The following COL22A1 variants were observed in gnomAD, a reference collection of about 807,000 sequenced individuals.
The protein encoded by COL22A1 is collagen type XXII alpha 1 chain.
A neutral mutation model predicts 248.9 loss-of-function variants in COL22A1; 221 were observed. The observed-to-expected ratio is 0.89, with a 90% confidence interval of 0.80 to 0.99. COL22A1 has a LOEUF of 0.99. Ranked by LOEUF, COL22A1 falls within the 50% of genes least tolerant of loss-of-function variation. COL22A1 has a pLI of 0.00. For synonymous variants in COL22A1, 891 were observed against 793.4 expected (o/e 1.12, Z -2.07); for missense variants, 2,240 against 2,179.0 (o/e 1.03, Z -0.56).
At position 138,613,020 on chromosome 8, in the gene COL22A1, G is replaced by A. The variant is rs767236710; in HGVS notation, c.3978+847C>T. On this transcript the variant is annotated intron_variant, in intron 56 of 64. Transcript: ENST00000303045. ...TCCCAATACTTTGGGAGGGCGAGGCGGGCAGATTATGAGGTCAGGAGATAG... is the reference window on the plus strand; with the variant it reads ...TCCCAATACTTTGGGAGGGCGAGGCAGGCAGATTATGAGGTCAGGAGATAG... Among the ~76,000 whole-genome samples, 27 of 151,422 alleles carry A rather than the reference G, an allele frequency of 1.8e-4. 1 individual carries two copies. The highest frequency in any genetic ancestry group is 3.9e-4 in the East Asian group (2 of 5,138).
chr8:138,852,843 CA>C, intron 3 of COL22A1, among the ~76,000 whole-genome samples: 1 of 151,930 alleles, frequency 6.6e-6, no homozygotes, highest in Non-Finnish European at 1.5e-5. Context: ...TCTTAAATGT[CA>C]AATGAGAAGG....
intron 55 of COL22A1, among the ~76,000 whole-genome samples, 163 bp from the exon 56 acceptor site, chr8:138,614,083 A>G (rs891641223): frequency 6.6e-5 from 10 of 152,222 alleles, no homozygotes; most frequent in Non-Finnish European, 1.5e-4. Flanking sequence ...AATATGGACA[A>G]ACTCCCTTCC....
intron 60 of COL22A1, among the ~76,000 whole-genome samples, chr8:138,600,185 T>C (rs1817886102): frequency 6.6e-6 from 1 of 152,222 alleles, no homozygotes; most frequent in Non-Finnish European, 1.5e-5. Flanking sequence ...TATGTGCTAC[T>C]GTGTGTTTGA....
intron 56 of COL22A1, among the ~76,000 whole-genome samples, chr8:138,609,885 C>G (rs1397027058): frequency 6.6e-6 from 1 of 152,194 alleles, no homozygotes; most frequent in Non-Finnish European, 1.5e-5. Flanking sequence ...TGCAGAGCCA[C>G]TCCTGTGTCC....
At chr8:138,844,811 G>C (rs997370216) in intron 3 of COL22A1, among the ~76,000 whole-genome samples, 1 of 152,054 alleles carries the variant, frequency 6.6e-6, no homozygotes, top group Admixed American at 6.6e-5. Flanking sequence ...TTAGCCGGGC[G>C]TGGTGGCAGG....
intron 2 of COL22A1, 121 bp downstream of exon 2, chr8:138,882,957 TCTCC>T: frequency 1.1e-6 from 1 of 877,134 alleles, no homozygotes; most frequent in Non-Finnish European, 1.7e-6. Flanking sequence ...GATTCCGGAC[TCTCC>T]CTCTCTCTCA....
chr8:138,629,015 C>T (rs1246390389), intron 50 of COL22A1, among the ~76,000 whole-genome samples: 3 of 1,452 alleles, frequency 2.1e-3, no homozygotes, highest in Non-Finnish European at 3.3e-3. Context: ...CCTGCCTTGG[C>T]TTCCCAGGAT....
intron 41 of COL22A1, among the ~76,000 whole-genome samples, chr8:138,673,968 C>T (rs1013044768): frequency 5.3e-5 from 8 of 152,176 alleles, no homozygotes; most frequent in Admixed American, 2.0e-4. Flanking sequence ...TCTGCAACAA[C>T]GCCATGCAGT....
Position 138,883,081 on chromosome 8 carries a change from C to T in COL22A1, c.91+1G>A. On this transcript the variant is annotated splice_donor_variant, in intron 2 of 64. Coordinates refer to ENST00000303045, the MANE Select transcript of COL22A1 (RefSeq NM_152888.3). LOFTEE classifies it high-confidence loss of function. ...CATGGCACAGCCCACGGTGGCCCCACCTGCCCGCTGAGCCTGGCAGCCGCC... is the reference window on the plus strand; with the variant it reads ...CATGGCACAGCCCACGGTGGCCCCATCTGCCCGCTGAGCCTGGCAGCCGCC... The T allele has an allele frequency of 1.3e-6, 2 of 1,577,338 alleles. No homozygotes were observed. The highest frequency in any genetic ancestry group is 1.7e-6 in the Non-Finnish European group (2 of 1,163,604).
chr8:138,708,191 T>A (rs1828641313), intron 30 of COL22A1, among the ~76,000 whole-genome samples: 1 of 152,096 alleles, frequency 6.6e-6, no homozygotes, highest in South Asian at 2.1e-4. Flanking sequence ...GAATCAATAT[T>A]GTGAAAATGG....
At chr8:138,689,039 C>A (rs545892390) in intron 36 of COL22A1, 69 bp from the exon 37 acceptor site, 1 of 1,291,898 alleles carries the variant, frequency 7.7e-7, no homozygotes, top group South Asian at 1.2e-5. Flanking sequence ...GCTCGTGACC[C>A]CCAGGGAAGA....
intron 22 of COL22A1, among the ~76,000 whole-genome samples, chr8:138,745,297 C>T (rs1832019117): frequency 6.6e-6 from 1 of 152,040 alleles, no homozygotes; most frequent in South Asian, 2.1e-4. Context: ...GGACCACATT[C>T]TCTTCTCCAA....
At chr8:138,833,491 G>A (rs536335976) in intron 4 of COL22A1, among the ~76,000 whole-genome samples, 3 of 152,334 alleles carry the variant, frequency 2.0e-5, no homozygotes, top group South Asian at 4.1e-4. Flanking sequence ...CCAGATGTGT[G>A]CTCTTCGCTC....
At chr8:138,724,775 C>T in intron 24 of COL22A1, 107 bp from the exon 25 acceptor site, 1 of 1,020,422 alleles carries the variant, frequency 9.8e-7, no homozygotes, top group Non-Finnish European at 1.5e-6. Context: ...CTGAGGAGGG[C>T]ACCCTGGGGC....
chr8:138,755,641 T>C, intron 19 of COL22A1, 130 bp from the exon 20 acceptor site: 1 of 1,338,934 alleles, frequency 7.5e-7, no homozygotes, highest in Non-Finnish European at 1.1e-6. Context: ...TTTTCTCTGA[T>C]TCTGCCCCAT....
chr8:138,662,065 C>T lies in COL22A1; in HGVS notation c.3205G>A (p.Gly1069Arg). Reference protein sequence around the residue: ...KGSPGSRGLPGFPGPQGPAGR... With the variant: ...KGSPGSRGLPRFPGPQGPAGR... ...GCTGGGCCCTGGGGGCCAGGGAATC[C>T]AGGTAAGCCTCGTGATCCCTGAAGA... The change falls in exon 43 of 65, where the codon GGA becomes AGA. Residue 1069 changes from glycine (G) to arginine (R), a missense_variant. Gly to Arg is a moderately radical substitution (Grantham distance 125). Coordinates refer to ENST00000303045, the MANE Select transcript of COL22A1 (RefSeq NM_152888.3). 1.9e-6 allele frequency: 3 copies of T among 1,612,432 alleles called. No individual in the cohort carries two copies. The South Asian group carries it at 3.3e-5, about 18-fold the overall frequency.
chr8:138,785,715 A>G (rs1815463281), intron 12 of COL22A1, among the ~76,000 whole-genome samples: 1 of 152,114 alleles, frequency 6.6e-6, no homozygotes, highest in African/African-American at 2.4e-5. Context: ...CCAGTTTTCT[A>G]GCGTTGTTGG....
chr8:138,747,567 A>G (rs1832225718), intron 22 of COL22A1, among the ~76,000 whole-genome samples: 1 of 152,118 alleles, frequency 6.6e-6, no homozygotes, highest in East Asian at 1.9e-4. Flanking sequence ...CCCAGCTATC[A>G]GTTTGGCCAA....
At chr8:138,808,057 C>A (rs2131675980) in intron 9 of COL22A1, among the ~76,000 whole-genome samples, 1 of 152,286 alleles carries the variant, frequency 6.6e-6, no homozygotes, top group South Asian at 2.1e-4. Context: ...AAGATAGAAA[C>A]AAGCAAACTG....
Sources: gnomAD v4.1 joint callset for allele counts (sites outside exome capture counted in the v4.1 genomes callset) on GRCh38, gnomAD v4.1.1 for gene constraint, MANE v1.5 for transcripts, NCBI Gene and HGNC (gene_info 2026-07-23, HGNC 2026-07-21) for gene names.